Variants in SDK1 observed in about 807,000 individuals in gnomAD.
SDK1 encodes sidekick cell adhesion molecule 1.
A neutral mutation model predicts 245.5 loss-of-function variants in SDK1; 157 were observed. The ratio of observed to expected loss-of-function variants is 0.64; its 90% CI spans 0.56 to 0.73. SDK1 has a LOEUF of 0.73. Ranked by LOEUF, SDK1 falls within the 30% of genes least tolerant of loss-of-function variation. SDK1 has a pLI of 0.00. For synonymous variants in SDK1, 1,647 were observed against 1,278.5 expected (o/e 1.29, Z -6.15); for missense variants, 3,583 against 3,002.3 (o/e 1.19, Z -4.52).
At chr7:3,533,438 G>T (rs933326867) in intron 1 of SDK1, among the ~76,000 whole-genome samples, 1 of 152,156 alleles carries the variant, frequency 6.6e-6, no homozygotes, top group Admixed American at 6.5e-5. Context: ...TTCTGATAGT[G>T]CCACCAAAAT....
In SDK1 at chr7:4,227,241, G is replaced by A. The variant is rs80143177; in HGVS notation, c.5827+5877G>A. On this transcript the variant is annotated intron_variant, in intron 40 of 44. Coordinates refer to ENST00000404826, the MANE Select transcript of SDK1 (RefSeq NM_152744.4). ...TGTTGCCATGGCTCTGATGGTGCCC[G>A]GTCCCCTCATGTGCTGCTTGTCTTT... 4.0e-3 allele frequency: 1,474 copies of A among 366,658 alleles called. 17 individuals are homozygous for A. Among genetic ancestry groups the A allele is most frequent in the African/African-American group, 0.029 (1,371 of 46,522 alleles). The allele number at this position is 366,658 out of a possible 1,614,324, so 22.7% of individuals were successfully genotyped here. A position where few individuals can be genotyped will look rare whatever the true frequency, so the allele number is the denominator to read the frequency against.
At chr7:3,341,572 A>G (rs942724838) in intron 1 of SDK1, among the ~76,000 whole-genome samples, 1 of 152,200 alleles carries the variant, frequency 6.6e-6, no homozygotes, top group African/African-American at 2.4e-5. Flanking sequence ...GAAATCTAGA[A>G]AAAAAACTTC....
intron 18 of SDK1, 112 bp downstream of exon 18, chr7:4,049,575 C>G (rs1180847163): frequency 1.3e-6 from 1 of 783,182 alleles, no homozygotes; most frequent in African/African-American, 1.7e-5. Flanking sequence ...CATTAAGATA[C>G]AGGGCGTCTT....
intron 5 of SDK1, among the ~76,000 whole-genome samples, chr7:3,930,083 G>A (rs958909129): frequency 2.0e-5 from 3 of 152,140 alleles, no homozygotes; most frequent in African/African-American, 4.8e-5. Flanking sequence ...ATGAGAAGGC[G>A]CTGAGGTGAT....
chr7:4,106,869 G>C (rs1253044858), intron 22 of SDK1, among the ~76,000 whole-genome samples: 1 of 151,886 alleles, frequency 6.6e-6, no homozygotes, highest in East Asian at 1.9e-4. Context: ...AGCCCCTGTG[G>C]CTGAGAGCCT....
intron 1 of SDK1, among the ~76,000 whole-genome samples, chr7:3,595,651 A>G (rs186941841): frequency 1.1e-4 from 16 of 151,900 alleles, no homozygotes; most frequent in African/African-American, 3.9e-4. Context: ...CAGGGGTTTG[A>G]CCTTGACTCT....
intron 17 of SDK1, among the ~76,000 whole-genome samples, chr7:4,027,885 G>A: frequency 6.6e-6 from 1 of 152,050 alleles, no homozygotes; most frequent in Admixed American, 6.6e-5. Flanking sequence ...GGGGCTTGTG[G>A]GAACGAGAGT....
intron 35 of SDK1, among the ~76,000 whole-genome samples, chr7:4,193,354 TTATATATATTAAAATATTTATA>T (rs1783344774): frequency 9.4e-6 from 1 of 106,642 alleles, no homozygotes; most frequent in Non-Finnish European, 1.7e-5. Flanking sequence ...TATAATATAT[TTATATATATTAAAATATTTATA>T]TATATATATA....
intron 4 of SDK1, among the ~76,000 whole-genome samples, chr7:3,665,075 T>C (rs1002988546): frequency 5.9e-5 from 9 of 152,330 alleles, no homozygotes; most frequent in Non-Finnish European, 1.2e-4. Flanking sequence ...GATGTAAGTC[T>C]GTAAGAAAGA....
chr7:3,517,761 C>G lies in SDK1; in HGVS notation c.299-101319C>G, dbSNP rs1300007318. ...GTATTGCCACTAGTGCTTCCTTTTT[C>G]CAGCACAGGTAAAGAATTGCCTGTG... On this transcript the variant is annotated intron_variant, in intron 1 of 44. Transcript: ENST00000404826. 2.0e-5 allele frequency among the ~76,000 whole-genome samples: 3 copies of G among 152,112 alleles called. 1 individual carries two copies. In the South Asian group the frequency reaches 6.2e-4, roughly 32 times the overall value.
intron 1 of SDK1, among the ~76,000 whole-genome samples, chr7:3,392,977 TTTTC>T (rs1202839959): frequency 1.1e-4 from 15 of 137,166 alleles, no homozygotes; most frequent in African/African-American, 2.8e-4. Flanking sequence ...TTTTTTTTTT[TTTTC>T]TTTTTTGAGA....
chr7:3,618,906 G>T (rs1781850873), intron 1 of SDK1, among the ~76,000 whole-genome samples, 174 bp from the exon 2 acceptor site: 1 of 152,036 alleles, frequency 6.6e-6, no homozygotes, highest in South Asian at 2.1e-4. Context: ...TATTATCTGG[G>T]GTATTGCATG....
At chr7:3,456,814 C>G (rs1007849401) in intron 1 of SDK1, among the ~76,000 whole-genome samples, 2 of 152,140 alleles carry the variant, frequency 1.3e-5, no homozygotes, top group Admixed American at 6.5e-5. Flanking sequence ...TTAGGAGACT[C>G]TTGGTCCTAC....
At chr7:4,260,826 C>T (rs1159641228) in intron 44 of SDK1, among the ~76,000 whole-genome samples, 4 of 147,736 alleles carry the variant, frequency 2.7e-5, no homozygotes, top group Non-Finnish European at 5.9e-5. Context: ...CTGGCTGCTC[C>T]GGGGTCTCTG....
At chr7:3,695,734 CTTA>C (rs772607206) in intron 4 of SDK1, among the ~76,000 whole-genome samples, 27 of 152,134 alleles carry the variant, frequency 1.8e-4, no homozygotes, top group Non-Finnish European at 3.8e-4. Context: ...ATAACATGCA[CTTA>C]TTATTCCGGT....
At chr7:3,465,118 C>T (rs902562453) in intron 1 of SDK1, among the ~76,000 whole-genome samples, 5 of 152,250 alleles carry the variant, frequency 3.3e-5, no homozygotes, top group Middle Eastern at 3.4e-3. Flanking sequence ...CGTTAGGGAG[C>T]TCCTTGACGC....
intron 9 of SDK1, among the ~76,000 whole-genome samples, chr7:3,965,100 A>T (rs1390894232): frequency 6.6e-6 from 1 of 152,174 alleles, no homozygotes; most frequent in Non-Finnish European, 1.5e-5. Flanking sequence ...GCTTTGAAGG[A>T]TGTGGCCTAC....
intron 5 of SDK1, among the ~76,000 whole-genome samples, chr7:3,852,592 C>G (rs1489468837): frequency 1.3e-5 from 2 of 148,626 alleles, no homozygotes; most frequent in South Asian, 2.1e-4. Context: ...CTAAAAAATA[C>G]AAAAAAAAAT....
chr7:3,859,284 C>G (rs1009017917), intron 5 of SDK1, among the ~76,000 whole-genome samples: 1 of 152,234 alleles, frequency 6.6e-6, no homozygotes, highest in Admixed American at 6.5e-5. Context: ...AGGTCTCCTT[C>G]CAAGGTAGCT....
Sources: gnomAD v4.1 joint callset for allele counts (sites outside exome capture counted in the v4.1 genomes callset) on GRCh38, gnomAD v4.1.1 for gene constraint, MANE v1.5 for transcripts, NCBI Gene and HGNC (gene_info 2026-07-23, HGNC 2026-07-21) for gene names.